IPMK: variants seen among roughly 807,000 people sequenced by gnomAD.
The protein encoded by IPMK is inositol polyphosphate multikinase.
In IPMK, 17 loss-of-function variants were observed where a neutral mutation model predicts 45.8. The ratio of observed to expected loss-of-function variants is 0.37; its 90% CI spans 0.25 to 0.56. IPMK has a LOEUF of 0.56. Among genes scored for constraint, IPMK ranks in the 20% least tolerant of loss-of-function variants. The pLI is 0.79. For synonymous variants in IPMK, 180 were observed against 184.3 expected, an observed-to-expected ratio of 0.98 and a Z score of 0.19; for missense variants, 399 against 498.0, an observed-to-expected ratio of 0.80 and a Z score of 1.89.
chr10:58,196,811 G>A (rs1588949234), intron 5 of IPMK, 113 bp from the exon 6 acceptor site: 1 of 731,660 alleles, frequency 1.4e-6, no homozygotes, highest in Non-Finnish European at 2.2e-6. Flanking sequence ...TTAGAATTAA[G>A]TGAACAGTTA....
At chr10:58,265,464 T>C (rs1421747902) in intron 1 of IPMK, among the ~76,000 whole-genome samples, 1 of 152,194 alleles carries the variant, frequency 6.6e-6, no homozygotes, top group African/African-American at 2.4e-5. Flanking sequence ...CTGTTGAACT[T>C]TGAATTAGTG....
rs1305752501 is a variant in IPMK, at chr10:58,246,128, A to G, written c.191-8314T>C. ...GAAGGACCTCTTCAAGGAGAACTAC[A>G]AACCACTGCTCAAGGAAATAAAAGA... On this transcript the variant is annotated intron_variant, in intron 1 of 5. Transcript: ENST00000373935. Among the ~76,000 whole-genome samples the G allele has an allele frequency of 7.6e-5, 10 of 132,212 alleles. No homozygotes were observed. In the East Asian group the frequency reaches 2.2e-3, roughly 29 times the overall value. The allele number at this position is 132,212 out of a possible 152,430, so 86.7% of individuals were successfully genotyped here. A position where few individuals can be genotyped will look rare whatever the true frequency, so the allele number is the denominator to read the frequency against.
intron 1 of IPMK, among the ~76,000 whole-genome samples, chr10:58,244,747 A>G (rs1838769845): frequency 6.6e-6 from 1 of 151,972 alleles, no homozygotes; most frequent in Non-Finnish European, 1.5e-5. Context: ...CTTACCCCCA[A>G]CCCCCTGCTC....
intron 4 of IPMK, among the ~76,000 whole-genome samples, chr10:58,210,753 G>A (rs534863104): frequency 6.6e-6 from 1 of 152,342 alleles, no homozygotes; most frequent in South Asian, 2.1e-4. Flanking sequence ...CAGGGGGTAT[G>A]TGTTCGAAGG....
chr10:58,262,444 A>G (rs540962193), intron 1 of IPMK, among the ~76,000 whole-genome samples: 1 of 152,300 alleles, frequency 6.6e-6, no homozygotes, highest in Admixed American at 6.5e-5. Context: ...GTTTAAATGA[A>G]ATTTGAAATA....
At position 58,194,043 on chromosome 10, in the gene IPMK, G is replaced by C. The variant is rs1172213134; in HGVS notation, c.*2033C>G. 1.3e-5 allele frequency: 2 copies of C among 151,648 alleles called. No homozygotes were observed. The highest frequency in any genetic ancestry group is 1.9e-4 in the East Asian group (1 of 5,184). The allele number at this position is 151,648 out of a possible 1,614,324, so 9.4% of individuals were successfully genotyped here. A position where few individuals can be genotyped will look rare whatever the true frequency, so the allele number is the denominator to read the frequency against. On this transcript the variant is annotated 3_prime_UTR_variant, in exon 6 of 6. Coordinates refer to ENST00000373935, the MANE Select transcript of IPMK (RefSeq NM_152230.5). ...AAAACATGATCTATTGTATCAAAAA[G>C]GTAAGACATTGATTTTACAAAATTG...
chr10:58,256,316 G>C (rs1042497795), intron 1 of IPMK, among the ~76,000 whole-genome samples: 1 of 152,190 alleles, frequency 6.6e-6, no homozygotes, highest in Non-Finnish European at 1.5e-5. Flanking sequence ...CCCTCTGGAA[G>C]TGTCTGCCTT....
At chr10:58,205,671 G>A (rs1319629180) in intron 4 of IPMK, among the ~76,000 whole-genome samples, 1 of 152,138 alleles carries the variant, frequency 6.6e-6, no homozygotes, top group Non-Finnish European at 1.5e-5. Flanking sequence ...TAGACACTTG[G>A]AAGGAGAAGA....
At chr10:58,241,923 C>A (rs552389846) in intron 1 of IPMK, among the ~76,000 whole-genome samples, 1 of 151,760 alleles carries the variant, frequency 6.6e-6, no homozygotes, top group Non-Finnish European at 1.5e-5. Flanking sequence ...ACAATACTTA[C>A]ATTTATCTCA....
At chr10:58,249,866 G>A (rs1372006654) in intron 1 of IPMK, among the ~76,000 whole-genome samples, 1 of 152,010 alleles carries the variant, frequency 6.6e-6, no homozygotes, top group Non-Finnish European at 1.5e-5. Context: ...TTTTATATAT[G>A]GTAAGGGATA....
chr10:58,216,513 G>T (rs1260040444), intron 3 of IPMK, among the ~76,000 whole-genome samples, 196 bp from the exon 4 acceptor site: 1 of 149,734 alleles, frequency 6.7e-6, no homozygotes, highest in Non-Finnish European at 1.5e-5. Context: ...ACATCACAGA[G>T]AAGCTCTTGC....
intron 4 of IPMK, among the ~76,000 whole-genome samples, chr10:58,214,487 T>C (rs541599405): frequency 6.6e-6 from 1 of 152,346 alleles, no homozygotes; most frequent in South Asian, 2.1e-4. Context: ...TTATTTCCTG[T>C]TTGTTTTAAC....
At chr10:58,236,021 C>T (rs2790220) in intron 2 of IPMK, among the ~76,000 whole-genome samples, 51,133 of 151,276 alleles carry the variant, frequency 0.34, 10,876 homozygotes, top group African/African-American at 0.61. Context: ...CTCCACCTCC[C>T]GGGTTCAAAT....
chr10:58,247,291 C>A (rs1308906722), intron 1 of IPMK, among the ~76,000 whole-genome samples: 4 of 150,892 alleles, frequency 2.7e-5, no homozygotes, highest in African/African-American at 7.4e-5. Context: ...TTGACCCAGC[C>A]ATCCCATTAC....
Position 58,201,952 on chromosome 10 carries a change from G to A in IPMK, c.547-2631C>T, listed in dbSNP as rs1189966366. Among the ~76,000 whole-genome samples the A allele has an allele frequency of 3.3e-5, 5 of 152,264 alleles. No homozygotes were observed. The South Asian group carries it at 8.3e-4, about 25-fold the overall frequency. Reference sequence around the variant, plus strand: ...TACCTCAAGTCAAAGCCTAATCCAGGGTAAGACTCTCTTCAATTCTATTAA... The same window carrying A: ...TACCTCAAGTCAAAGCCTAATCCAGAGTAAGACTCTCTTCAATTCTATTAA... On this transcript the variant is annotated intron_variant, in intron 4 of 5. Transcript: ENST00000373935.
Position 58,191,808 on chromosome 10 carries a change from TAAC to T in IPMK, c.*4265_*4267del, listed in dbSNP as rs1317797202. On this transcript the variant is annotated 3_prime_UTR_variant, in exon 6 of 6. Coordinates refer to ENST00000373935, the MANE Select transcript of IPMK (RefSeq NM_152230.5). ...TAGCATTGCTGCTTATAGTCACTAATAACACAATTTTAGGTGCAATTTCACATG... is the reference window on the plus strand; with the variant it reads ...TAGCATTGCTGCTTATAGTCACTAATACAATTTTAGGTGCAATTTCACATG... 1.3e-5 allele frequency: 2 copies of T among 152,164 alleles called. No individual in the cohort carries two copies. The highest frequency in any genetic ancestry group is 3.8e-4 in the East Asian group (2 of 5,200). The allele number at this position is 152,164 out of a possible 1,614,324, so 9.4% of individuals were successfully genotyped here. A position where few individuals can be genotyped will look rare whatever the true frequency, so the allele number is the denominator to read the frequency against.
intron 1 of IPMK, among the ~76,000 whole-genome samples, chr10:58,263,937 T>C (rs1839111881): frequency 6.6e-6 from 1 of 152,166 alleles, no homozygotes; most frequent in South Asian, 2.1e-4. Flanking sequence ...TGAGGATATG[T>C]TACAAATGAA....
intron 1 of IPMK, among the ~76,000 whole-genome samples, chr10:58,247,786 C>T (rs936121727): frequency 6.6e-6 from 1 of 151,714 alleles, no homozygotes. Flanking sequence ...GCACATGTAC[C>T]CTAAAACTTA....
At chr10:58,260,122 G>A (rs1229887093) in intron 1 of IPMK, among the ~76,000 whole-genome samples, 1 of 152,124 alleles carries the variant, frequency 6.6e-6, no homozygotes, top group East Asian at 1.9e-4. Context: ...ATGCTTTGAA[G>A]ACATGACATA....
Sources: gnomAD v4.1 joint callset for allele counts (sites outside exome capture counted in the v4.1 genomes callset) on GRCh38, gnomAD v4.1.1 for gene constraint, MANE v1.5 for transcripts, NCBI Gene and HGNC (gene_info 2026-07-23, HGNC 2026-07-21) for gene names.